Variants in NTRK3 observed in about 807,000 individuals in gnomAD.
NTRK3 encodes neurotrophic receptor tyrosine kinase 3.
In NTRK3, 24 loss-of-function variants were observed where a neutral mutation model predicts 91.7. That is an observed-to-expected ratio of 0.26 (90% confidence interval 0.19 to 0.37). NTRK3 has a LOEUF of 0.37. Ranked by LOEUF, NTRK3 falls within the 10% of genes least tolerant of loss-of-function variation. The probability of loss-of-function intolerance (pLI) is 1.00; values close to 1 mark genes in which losing one functional copy is unlikely to be tolerated. For synonymous variants in NTRK3, 483 were observed against 404.0 expected (o/e 1.20, Z -2.34); for missense variants, 880 against 1,068.9 (o/e 0.82, Z 2.46).
In NTRK3 at chr15:88,183,852, G is replaced by A. The variant is rs78329304; in HGVS notation, c.324-363C>T. ...CCAGGTCCCCACAGTCACTAGTACC[G>A]ACATCCAAGGGTGGAGGTAGCTGGG... On this transcript the variant is annotated intron_variant, in intron 4 of 18. Coordinates refer to ENST00000394480, the Ensembl canonical transcript of NTRK3. 4.2e-3 allele frequency among the ~76,000 whole-genome samples: 636 copies of A among 152,216 alleles called. 5 individuals are homozygous for A. Among genetic ancestry groups the A allele is most frequent in the African/African-American group, 0.014 (585 of 41,518 alleles).
intron 14 of NTRK3, among the ~76,000 whole-genome samples, chr15:87,957,537 A>C (rs907088826): frequency 2.0e-5 from 3 of 152,240 alleles, no homozygotes; most frequent in African/African-American, 7.2e-5. Flanking sequence ...AGGATTGCAT[A>C]AGATCCTATA....
exon 19 of NTRK3, chr15:87,866,428 AATAT>A (rs376980136): frequency 1.2e-4 from 19 of 163,610 alleles, no homozygotes; most frequent in East Asian, 2.4e-4. Flanking sequence ...TATATATGTA[AATAT>A]ATATATATAT....
chr15:88,212,202 A>G (rs1452260214), intron 3 of NTRK3, among the ~76,000 whole-genome samples: 1 of 152,098 alleles, frequency 6.6e-6, no homozygotes, highest in Non-Finnish European at 1.5e-5. Flanking sequence ...CCCCGTCTCT[A>G]TTAAAAATAC....
Position 87,959,588 on chromosome 15 carries a change from A to G in NTRK3, c.1586-18835T>C, listed in dbSNP as rs139599957. On this transcript the variant is annotated intron_variant, in intron 14 of 18. Coordinates refer to ENST00000394480, the Ensembl canonical transcript of NTRK3. ...CGACAGCCATCTAAGCATAGATTCT[A>G]CCAGCAAATACCTAAACGTTTAAAG... 2.2e-4 allele frequency among the ~76,000 whole-genome samples: 34 copies of G among 152,308 alleles called. 1 individual carries two copies. In the East Asian group the frequency reaches 6.4e-3, roughly 29 times the overall value.
At chr15:87,980,589 T>C (rs537046697) in intron 14 of NTRK3, among the ~76,000 whole-genome samples, 1 of 152,314 alleles carries the variant, frequency 6.6e-6, no homozygotes, top group South Asian at 2.1e-4. Context: ...TAAGCCTATC[T>C]TTTTATGGAA....
Position 88,241,581 on chromosome 15 carries a change from G to C in NTRK3, c.248+14325C>G, listed in dbSNP as rs961262708. Among the ~76,000 whole-genome samples, 1 of 152,172 alleles carries C rather than the reference G, an allele frequency of 6.6e-6. No homozygotes were observed. The highest frequency in any genetic ancestry group is 1.5e-5 in the Non-Finnish European group (1 of 68,022). On this transcript the variant is annotated intron_variant, in intron 3 of 18. Coordinates refer to ENST00000394480, the Ensembl canonical transcript of NTRK3. The surrounding 1 kb of genome is among the most constrained non-coding windows in gnomAD (Gnocchi z 4.3). Reference sequence around the variant, plus strand: ...GTGTGCCCTGGTCAGTCTCACCTAGGAGCAGGGGGCATGGGGCAGGTCAGC... The same window carrying C: ...GTGTGCCCTGGTCAGTCTCACCTAGCAGCAGGGGGCATGGGGCAGGTCAGC...
intron 15 of NTRK3, among the ~76,000 whole-genome samples, chr15:87,938,446 A>C (rs1393248704): frequency 2.0e-5 from 3 of 152,222 alleles, no homozygotes; most frequent in Non-Finnish European, 4.4e-5. Context: ...CGTTGTCTGG[A>C]GGAGATAGGC....
intron 14 of NTRK3, among the ~76,000 whole-genome samples, chr15:87,993,244 G>A (rs2075424128): frequency 2.0e-5 from 3 of 152,140 alleles, no homozygotes; most frequent in Non-Finnish European, 2.9e-5. Flanking sequence ...GTCAGAATCT[G>A]GCAGGAAATG....
At chr15:87,945,279 C>G (rs1312533407) in intron 14 of NTRK3, among the ~76,000 whole-genome samples, 2 of 152,232 alleles carry the variant, frequency 1.3e-5, no homozygotes, top group African/African-American at 2.4e-5. Flanking sequence ...TGGGTTCCAC[C>G]AGAGGAAGCC....
intron 13 of NTRK3, among the ~76,000 whole-genome samples, chr15:88,091,713 G>T (rs980365369): frequency 6.6e-6 from 1 of 152,234 alleles, no homozygotes; most frequent in East Asian, 1.9e-4. Flanking sequence ...ATGGACACAA[G>T]GGTGGGAGAT....
At chr15:88,024,800 ACAT>A (rs1184094519) in intron 14 of NTRK3, among the ~76,000 whole-genome samples, 1 of 152,242 alleles carries the variant, frequency 6.6e-6, no homozygotes, top group African/African-American at 2.4e-5. Flanking sequence ...TTCAGGGCTG[ACAT>A]CATGGAGAAT....
chr15:88,181,642 C>T (rs1485094507), intron 5 of NTRK3, among the ~76,000 whole-genome samples: 1 of 152,208 alleles, frequency 6.6e-6, no homozygotes, highest in African/African-American at 2.4e-5. Context: ...CTCTGTGTGC[C>T]ACATTCTGCT....
chr15:87,927,626 A>T (rs1406341874), intron 17 of NTRK3: 1 of 152,198 alleles, frequency 6.6e-6, no homozygotes, highest in Admixed American at 6.5e-5. Flanking sequence ...GCCTTTGGGA[A>T]GTTACTAGGT....
In NTRK3 at chr15:87,891,552, T is replaced by C. The variant is rs76527107; in HGVS notation, c.2134-11124A>G. Among the ~76,000 whole-genome samples the C allele has an allele frequency of 2.6e-5, 4 of 152,218 alleles. No homozygotes were observed. In the East Asian group the frequency reaches 7.7e-4, roughly 29 times the overall value. ...TTTCTGTTTGGTTTTAGTTTATCTT[T>C]CCATTGTTTCTTACATAAGCAAATA... On this transcript the variant is annotated intron_variant, in intron 17 of 18. Transcript: ENST00000394480.
chr15:88,221,620 A>G (rs1419069381), intron 3 of NTRK3, among the ~76,000 whole-genome samples: 5 of 152,230 alleles, frequency 3.3e-5, no homozygotes, highest in Admixed American at 3.3e-4. Flanking sequence ...GTGGAACCTC[A>G]TCTCTATTTA....
At chr15:88,202,305 C>T (rs892704309) in intron 3 of NTRK3, among the ~76,000 whole-genome samples, 3 of 152,220 alleles carry the variant, frequency 2.0e-5, no homozygotes, top group Non-Finnish European at 2.9e-5. Context: ...ACATCTCCCC[C>T]ACTTCACTGA....
intron 13 of NTRK3, among the ~76,000 whole-genome samples, chr15:88,048,525 C>T (rs1264368947): frequency 6.6e-6 from 1 of 152,128 alleles, no homozygotes; most frequent in Non-Finnish European, 1.5e-5. Flanking sequence ...TTCCTGGTGT[C>T]TGCAGGGGTA....
intron 14 of NTRK3, among the ~76,000 whole-genome samples, chr15:87,966,558 C>T (rs760403771): frequency 1.3e-5 from 2 of 152,206 alleles, no homozygotes; most frequent in Non-Finnish European, 2.9e-5. Context: ...CCCTGACACT[C>T]TCGATGTTCC....
chr15:87,933,577 G>A (rs1373316332), intron 15 of NTRK3, among the ~76,000 whole-genome samples: 2 of 152,256 alleles, frequency 1.3e-5, no homozygotes, highest in Non-Finnish European at 2.9e-5. Context: ...AATAAACAGT[G>A]TGAAAACCAC....
Sources: allele counts gnomAD v4.1 joint callset (sites outside exome capture counted in the v4.1 genomes callset), GRCh38; gene constraint gnomAD v4.1.1; non-coding constraint Gnocchi (gnomAD v3.1); transcripts MANE v1.5; gene names NCBI Gene and HGNC (gene_info 2026-07-23, HGNC 2026-07-21).